COMMD7: variants seen among roughly 807,000 people sequenced by gnomAD.
COMMD7 encodes COMM domain containing 7, also known as COMM domain-containing protein 7.
COMMD7 carries 28 observed loss-of-function variants against 34.8 expected under a neutral mutation model. The ratio of observed to expected loss-of-function variants is 0.80; its 90% CI spans 0.60 to 1.10. The LOEUF (loss-of-function observed/expected upper bound fraction) is 1.10, where lower values mean the gene tolerates loss of function less well. Among genes scored for constraint, COMMD7 ranks in the 50% least tolerant of loss-of-function variants. The pLI, the probability that COMMD7 is intolerant of heterozygous loss-of-function variation, is 0.00. For synonymous variants in COMMD7, 80 were observed against 86.4 expected (o/e 0.93, Z 0.41); for missense variants, 211 against 241.6 (o/e 0.87, Z 0.84).
chr20:32,730,475 A>G (rs1362913236), intron 1 of COMMD7, among the ~76,000 whole-genome samples: 2 of 152,014 alleles, frequency 1.3e-5, no homozygotes, highest in African/African-American at 4.8e-5. Flanking sequence ...GAATTGCTTG[A>G]ACCTGGGAGG....
chr20:32,703,236 A>C lies in COMMD7; in HGVS notation c.*146T>G, dbSNP rs1165743081. 1.5e-6 allele frequency: 1 copy of C among 656,688 alleles called. No individual in the cohort carries two copies. The highest frequency in any genetic ancestry group is 1.8e-5 in the African/African-American group (1 of 54,798). The allele number at this position is 656,688 out of a possible 1,614,324, so 40.7% of individuals were successfully genotyped here. A position where few individuals can be genotyped will look rare whatever the true frequency, so the allele number is the denominator to read the frequency against. ...TCAGTACTTAATCCTGCTGTTTTTCAGAAACCCTTTGCACCTGGGCCCCAT... is the reference window on the plus strand; with the variant it reads ...TCAGTACTTAATCCTGCTGTTTTTCCGAAACCCTTTGCACCTGGGCCCCAT... On this transcript the variant is annotated 3_prime_UTR_variant, in exon 9 of 9. Coordinates refer to ENST00000278980, the MANE Select transcript of COMMD7 (RefSeq NM_053041.3).
In COMMD7 at chr20:32,733,716, C is replaced by CAAA. The variant is rs35352458; in HGVS notation, c.85-5577_85-5575dup. ...TGGGCGACAGGGCAAGACTCCATCT[C>CAAA]AAAAAAAAAAAAAAAAAAATTAGCC... On this transcript the variant is annotated intron_variant, in intron 1 of 8. Coordinates refer to ENST00000278980, the MANE Select transcript of COMMD7 (RefSeq NM_053041.3). 4.5e-4 allele frequency among the ~76,000 whole-genome samples: 49 copies of CAAA among 109,588 alleles called. No homozygotes were observed. In the South Asian group the frequency reaches 0.012, roughly 27 times the overall value. 71.9% of individuals were successfully genotyped at this position (109,588 alleles called of 152,430 possible).
chr20:32,742,258 T>G (rs1319483605), intron 1 of COMMD7, among the ~76,000 whole-genome samples: 2 of 152,192 alleles, frequency 1.3e-5, no homozygotes, highest in Non-Finnish European at 2.9e-5. Context: ...AAGTTAGAAA[T>G]GTGGCTTGCA....
chr20:32,732,379 C>T (rs1437959658), intron 1 of COMMD7, among the ~76,000 whole-genome samples: 1 of 152,186 alleles, frequency 6.6e-6, no homozygotes, highest in East Asian at 1.9e-4. Flanking sequence ...GTTTGACCAA[C>T]CACACCCAAC....
At chr20:32,719,016 C>T (rs1984990033) in intron 3 of COMMD7, among the ~76,000 whole-genome samples, 3 of 152,190 alleles carry the variant, frequency 2.0e-5, no homozygotes, top group Admixed American at 2.0e-4. Flanking sequence ...ACAAACTGTA[C>T]TTCTACAATA....
intron 3 of COMMD7, among the ~76,000 whole-genome samples, chr20:32,716,609 C>A (rs534948096): frequency 6.6e-6 from 1 of 151,726 alleles, no homozygotes; most frequent in Non-Finnish European, 1.5e-5. Context: ...AGTGAGACTC[C>A]GTCTCAAAAA....
At chr20:32,714,549 G>A (rs745635099) in intron 3 of COMMD7, among the ~76,000 whole-genome samples, 4 of 151,812 alleles carry the variant, frequency 2.6e-5, no homozygotes, top group African/African-American at 4.8e-5. Flanking sequence ...ATTAAGGCCA[G>A]GCACGGTGGC....
intron 5 of COMMD7, 128 bp from the exon 6 acceptor site, chr20:32,705,032 G>T: frequency 2.9e-6 from 2 of 687,388 alleles, no homozygotes; most frequent in Non-Finnish European, 5.1e-6. Flanking sequence ...AGTGGGGAGG[G>T]TGCAGAACGA....
intron 3 of COMMD7, among the ~76,000 whole-genome samples, chr20:32,713,366 A>G (rs1984587191): frequency 6.6e-6 from 1 of 152,164 alleles, no homozygotes; most frequent in East Asian, 1.9e-4. Context: ...ACCAATTTTC[A>G]CCAGAACTGC....
intron 1 of COMMD7, among the ~76,000 whole-genome samples, chr20:32,741,476 C>T (rs989375113): frequency 2.0e-5 from 3 of 151,984 alleles, no homozygotes; most frequent in African/African-American, 7.3e-5. Flanking sequence ...CTGCAACCTC[C>T]ACCTCTCAGG....
At chr20:32,743,282 G>C in intron 1 of COMMD7, 26 bp downstream of exon 1, 1 of 1,068,330 alleles carries the variant, frequency 9.4e-7, no homozygotes, top group Non-Finnish European at 1.3e-6. Flanking sequence ...TGGGCCCCGC[G>C]CCCCACGCCC....
intron 3 of COMMD7, among the ~76,000 whole-genome samples, chr20:32,719,300 G>C (rs1313790234): frequency 6.6e-6 from 1 of 152,136 alleles, no homozygotes; most frequent in Non-Finnish European, 1.5e-5. Context: ...AACTGTTCTG[G>C]GATGGCAGCC....
intron 3 of COMMD7, among the ~76,000 whole-genome samples, chr20:32,707,844 T>C (rs541063422): frequency 3.3e-5 from 5 of 152,098 alleles, no homozygotes; most frequent in South Asian, 2.1e-4. Flanking sequence ...GTAGCCACTA[T>C]TGCATGTGGT....
chr20:32,713,327 G>A, intron 3 of COMMD7, among the ~76,000 whole-genome samples: 1 of 152,246 alleles, frequency 6.6e-6, no homozygotes, highest in East Asian at 1.9e-4. Flanking sequence ...TGGGACTACA[G>A]GCGTGCGCCA....
rs538911486 is a variant in COMMD7, at chr20:32,741,832, G to A, written c.84+1476C>T. Among the ~76,000 whole-genome samples the A allele has an allele frequency of 2.5e-4, 38 of 152,236 alleles. 1 individual carries two copies. The highest frequency in any genetic ancestry group is 7.0e-4 in the African/African-American group (29 of 41,534). On this transcript the variant is annotated intron_variant, in intron 1 of 8. Transcript: ENST00000278980. Reference sequence around the variant, plus strand: ...TAGGTTTGTAGCCTAGGAGCAATGCGCTATACCATATATCCTAGGGTGCAG... The same window carrying A: ...TAGGTTTGTAGCCTAGGAGCAATGCACTATACCATATATCCTAGGGTGCAG...
rs756709349 is a variant in COMMD7, at chr20:32,704,825, C to T, written c.416G>A (p.Trp139Ter). 2.5e-6 allele frequency: 4 copies of T among 1,613,542 alleles called. No individual in the cohort carries two copies. In the South Asian group the frequency reaches 3.3e-5, roughly 13 times the overall value. ...TTGTAACTAGTTACCTCCAAATTTCCACTCCATATCTATGAGCTGGTTAAT... is the reference window on the plus strand; with the variant it reads ...TTGTAACTAGTTACCTCCAAATTTCTACTCCATATCTATGAGCTGGTTAAT... Reference protein sequence around the residue: ...LMINQLIDMEWKFGVTSGSSE... With the variant: ...LMINQLIDME The change falls in exon 6 of 9, where the codon TGG becomes TAG. Residue 139 changes from tryptophan (W) to a stop codon, truncating the protein, a stop_gained. Coordinates refer to ENST00000278980, the MANE Select transcript of COMMD7 (RefSeq NM_053041.3). LOFTEE classifies it high-confidence loss of function.
intron 3 of COMMD7, among the ~76,000 whole-genome samples, chr20:32,716,900 C>A (rs1028163113): frequency 3.3e-5 from 5 of 151,734 alleles, no homozygotes; most frequent in Non-Finnish European, 7.4e-5. Flanking sequence ...GCTCTGTCGT[C>A]CAGGCCAGAG....
intron 1 of COMMD7, among the ~76,000 whole-genome samples, chr20:32,736,686 AAACAAC>A: frequency 6.6e-6 from 1 of 151,940 alleles, no homozygotes; most frequent in East Asian, 1.9e-4. Context: ...ACAAACAAAC[AAACAAC>A]AACAACAAAA....
intron 1 of COMMD7, among the ~76,000 whole-genome samples, chr20:32,730,516 C>T (rs1365187555): frequency 6.6e-6 from 1 of 152,016 alleles, no homozygotes; most frequent in Non-Finnish European, 1.5e-5. Context: ...GATCATGCCA[C>T]TGCACTCCAG....
Sources: allele counts gnomAD v4.1 joint callset (sites outside exome capture counted in the v4.1 genomes callset), GRCh38; gene constraint gnomAD v4.1.1; transcripts MANE v1.5; gene names NCBI Gene and HGNC (gene_info 2026-07-23, HGNC 2026-07-21).